Variants in ZNF205 observed in about 807,000 individuals in gnomAD.
The protein encoded by ZNF205 is transcriptional repressor RHIT.
A neutral mutation model predicts 53.6 loss-of-function variants in ZNF205; 32 were observed. The observed-to-expected ratio is 0.60, with a 90% CI of 0.45 to 0.80. The LOEUF (loss-of-function observed/expected upper bound fraction) is 0.80. Ranked by LOEUF, ZNF205 falls within the 30% of genes least tolerant of loss-of-function variation. ZNF205 has a pLI of 0.00. For missense variants in ZNF205, 836 were observed against 782.4 expected, an observed-to-expected ratio of 1.07 and a Z score of -0.82; for synonymous variants, 382 against 334.3, an observed-to-expected ratio of 1.14 and a Z score of -1.56.
At chr16:3,112,724 C>A in intron 1 of ZNF205, 42 bp downstream of exon 1, 1 of 269,888 alleles carries the variant, frequency 3.7e-6, no homozygotes. Flanking sequence ...ATCCCGAGAC[C>A]GGCGCAGATG....
At chr16:3,113,330 T>C in intron 1 of ZNF205, 87 bp from the exon 2 acceptor site, 1 of 1,364,294 alleles carries the variant, frequency 7.3e-7, no homozygotes, top group Non-Finnish European at 1.0e-6. Context: ...CGAGGGCTGG[T>C]TTCTGTCTGC....
In ZNF205 at chr16:3,120,429, G is replaced by A. The variant is rs540976209; in HGVS notation, c.*104G>A. 1.7e-5 allele frequency: 22 copies of A among 1,319,352 alleles called. No homozygotes were observed. Among genetic ancestry groups the A allele is most frequent in the Non-Finnish European group, 2.0e-5 (20 of 994,040 alleles). The allele number at this position is 1,319,352 out of a possible 1,614,324, so 81.7% of individuals were successfully genotyped here. On this transcript the variant is annotated 3_prime_UTR_variant, in exon 7 of 7. Transcript: ENST00000219091. ...AGGGGCTCGGGAAGGGAGCTGGGGCGGTGAGGGCATGGGGTGAGGCATGGC... is the reference window on the plus strand; with the variant it reads ...AGGGGCTCGGGAAGGGAGCTGGGGCAGTGAGGGCATGGGGTGAGGCATGGC...
chr16:3,118,853 A>G, intron 5 of ZNF205, 52 bp from the exon 6 acceptor site: 2 of 1,577,670 alleles, frequency 1.3e-6, no homozygotes, highest in South Asian at 2.3e-5. Context: ...TGCTGTCTGC[A>G]GCTGGGCAGC....
In ZNF205 at chr16:3,115,512, G is replaced by C; in HGVS notation, c.215G>C (p.Gly72Ala). 1 of 1,603,830 alleles carries C rather than the reference G, an allele frequency of 6.2e-7. No individual in the cohort carries two copies. The change falls in exon 3 of 7, where the codon GGC (glycine) becomes GCC (alanine). Residue 72 changes from glycine (G) to alanine (A), a missense_variant. Transcript: ENST00000219091. ...GAGGATGGGGCTCAAGGTGCCTGGG[G>C]CTGGGCACCCCTAAGTCACGGCTCT... ...SQEDGAQGAW[G>A]WAPLSHGSKE...
rs780697605 is a variant in ZNF205 at position 3,113,537 on chromosome 16, G to C, written c.57+50G>C. ...GGTGTGCGGTAGAAGAGGCTGGTGC[G>C]GAGGAGATTTTCAAGGCACAGAGTC... On this transcript the variant is annotated intron_variant, in intron 2 of 6. Transcript: ENST00000219091. The C allele has an allele frequency of 1.6e-5, 26 of 1,594,434 alleles. No individual in the cohort carries two copies. In the African/African-American group the frequency reaches 2.2e-4, roughly 13 times the overall value.
chr16:3,117,541 G>T (rs894398080), intron 5 of ZNF205, among the ~76,000 whole-genome samples: 11 of 133,500 alleles, frequency 8.2e-5, no homozygotes, highest in Non-Finnish European at 1.5e-4. Flanking sequence ...TCGACTTCCT[G>T]GGTTCAAGTG....
Position 3,115,837 on chromosome 16 carries a change from TC to T in ZNF205, c.286del (p.Arg96GlyfsTer29). The T allele has an allele frequency of 6.2e-7, 1 of 1,612,472 alleles. No homozygotes were observed. Among genetic ancestry groups the T allele is most frequent in the Non-Finnish European group, 8.5e-7 (1 of 1,179,318 alleles). The part of the protein sequence containing the change: ...ALFLPGGALP[S>X]PRIPVLSREG... ...CCTCTCTCCTCCCACAGCCCTCCCC[TC>T]CCCCCGGATCCCCGTGCTTTCCCGA... On this transcript the variant is annotated frameshift_variant, in exon 4 of 7. Coordinates refer to ENST00000219091, the MANE Select transcript of ZNF205 (RefSeq NM_001042428.2). LOFTEE classifies it high-confidence loss of function.
chr16:3,114,745 C>G (rs1320882545), intron 2 of ZNF205: 1 of 152,240 alleles, frequency 6.6e-6, no homozygotes, highest in East Asian at 1.9e-4. Context: ...TAGGTGTCAG[C>G]AGGGTCACAC....
chr16:3,120,123 GCTCGCACCTCAC>G lies in ZNF205; in HGVS notation c.1465_1476del (p.Ser489_Thr492del), dbSNP rs1158911178. 5.0e-6 allele frequency: 8 copies of G among 1,613,456 alleles called. No individual in the cohort carries two copies. Among genetic ancestry groups the G allele is most frequent in the Non-Finnish European group, 6.8e-6 (8 of 1,179,760 alleles). On this transcript the variant is annotated inframe_deletion, in exon 7 of 7. Coordinates refer to ENST00000219091, the MANE Select transcript of ZNF205 (RefSeq NM_001042428.2). ...GACTGCGGCAAGAGCTTCAGCCACA[GCTCGCACCTCAC>G]CGCGCACCAGCGCACCCACCGTGGC...
Position 3,116,484 on chromosome 16 carries a change from C to A in ZNF205, c.421C>A (p.Leu141Met). ...LYLSREEWGR[L>M]DHTQQNFYRD... is the part of the protein sequence containing the mutation. ...CCTCTCCCGGGAGGAGTGGGGACGGCTGGACCACACGCAGCAGAACTTCTA... is the reference window on the plus strand; with the variant it reads ...CCTCTCCCGGGAGGAGTGGGGACGGATGGACCACACGCAGCAGAACTTCTA... The change falls in exon 5 of 7, where the codon CTG (leucine) becomes ATG (methionine). Residue 141 changes from leucine to methionine, a missense_variant. Leu to Met is a conservative substitution (Grantham distance 15, BLOSUM62 2). Transcript: ENST00000219091. 1 of 1,614,122 alleles carries A rather than the reference C, an allele frequency of 6.2e-7. No individual in the cohort carries two copies. The highest frequency in any genetic ancestry group is 8.5e-7 in the Non-Finnish European group (1 of 1,180,038).
rs376764324 is a variant in ZNF205 at position 3,113,364 on chromosome 16, C to T, written c.-14-53C>T. On this transcript the variant is annotated intron_variant, in intron 1 of 6. Transcript: ENST00000219091. ...GCTCTTCTAGGCTCCTGGCCAGAAG[C>T]TGGAGGGGGCTTGGCCAAAAAGAGG... The T allele has an allele frequency of 1.9e-3, 2,994 of 1,586,336 alleles. 7 individuals carry two copies. Among genetic ancestry groups the T allele is most frequent in the Non-Finnish European group, 2.2e-3 (2,607 of 1,158,844 alleles).
Position 3,118,847 on chromosome 16 carries a change from G to T in ZNF205, c.485-58G>T, listed in dbSNP as rs139348438. 5.1e-6 allele frequency: 8 copies of T among 1,564,590 alleles called. No homozygotes were observed. In the African/African-American group the frequency reaches 9.5e-5, roughly 19 times the overall value. On this transcript the variant is annotated intron_variant, in intron 5 of 6. Coordinates refer to ENST00000219091, the MANE Select transcript of ZNF205 (RefSeq NM_001042428.2). ...GGCCCATCAGTTTTGGGGAGATGCT[G>T]TCTGCAGCTGGGCAGCGCCAGAAGG...
chr16:3,116,877 C>G (rs1245932945), intron 5 of ZNF205, among the ~76,000 whole-genome samples: 1 of 152,174 alleles, frequency 6.6e-6, no homozygotes, highest in Non-Finnish European at 1.5e-5. Context: ...TCACTGCAAG[C>G]TCCGCCTCCC....
intron 5 of ZNF205, 143 bp downstream of exon 5, chr16:3,116,690 T>C: frequency 7.9e-7 from 1 of 1,273,792 alleles, no homozygotes; most frequent in Non-Finnish European, 1.1e-6. Flanking sequence ...ACTTCTGTAA[T>C]GATGGAAATG....
At position 3,120,405 on chromosome 16, in the gene ZNF205, G is replaced by C. The variant is rs916201729; in HGVS notation, c.*80G>C. 1.4e-6 allele frequency: 2 copies of C among 1,416,676 alleles called. No homozygotes were observed. The highest frequency in any genetic ancestry group is 1.4e-5 in the African/African-American group (1 of 69,196). The allele number at this position is 1,416,676 out of a possible 1,614,324, so 87.8% of individuals were successfully genotyped here. On this transcript the variant is annotated 3_prime_UTR_variant, in exon 7 of 7. Coordinates refer to ENST00000219091, the MANE Select transcript of ZNF205 (RefSeq NM_001042428.2). Reference sequence around the variant, plus strand: ...AGTCAAGGCTCCGAGGGAGGAGAGAGGGGCTCGGGAAGGGAGCTGGGGCGG... The same window carrying C: ...AGTCAAGGCTCCGAGGGAGGAGAGACGGGCTCGGGAAGGGAGCTGGGGCGG...
rs1031455566 is a variant in ZNF205 at position 3,115,740 on chromosome 16, C to T, written c.272-89C>T. The T allele has an allele frequency of 1.5e-5, 21 of 1,433,114 alleles. No individual in the cohort carries two copies. In the East Asian group the frequency reaches 2.6e-4, roughly 18 times the overall value. 88.8% of individuals were successfully genotyped at this position (1,433,114 alleles called of 1,614,324 possible). A position where few individuals can be genotyped will look rare whatever the true frequency, so the allele number is the denominator to read the frequency against. ...GAGCCATCCGACCCTGTCCTTGGGT[C>T]GGGCCAGGGGTGGAGTTTGAGGCAG... On this transcript the variant is annotated intron_variant, in intron 3 of 6. Coordinates refer to ENST00000219091, the MANE Select transcript of ZNF205 (RefSeq NM_001042428.2).
At position 3,115,427 on chromosome 16, in the gene ZNF205, C is replaced by G; in HGVS notation, c.130C>G (p.Gln44Glu). The G allele has an allele frequency of 6.2e-7, 1 of 1,612,510 alleles. No homozygotes were observed. The highest frequency in any genetic ancestry group is 1.1e-5 in the South Asian group (1 of 90,826). The change falls in exon 3 of 7, where the codon CAG (glutamine) becomes GAG (glutamate). Residue 44 changes from glutamine to glutamate, a missense_variant. Coordinates refer to ENST00000219091, the MANE Select transcript of ZNF205 (RefSeq NM_001042428.2). ...GGAGGCGGTACCTTCAGGGGACACT[C>G]AGGAGTCACTGCACATTAAGATGGA... The part of the protein sequence containing the change: ...LGEAVPSGDT[Q>E]ESLHIKMEPE...
chr16:3,120,270 T>C lies in ZNF205; in HGVS notation c.1610T>C (p.Met537Thr), dbSNP rs1441989841. Residue 537 changes from methionine to threonine, a missense_variant, in exon 7 of 7, where the codon ATG (methionine) becomes ACG (threonine). By Grantham distance (81) the Met-to-Thr change is moderately conservative (BLOSUM62 -1). Transcript: ENST00000219091. Reference protein sequence around the residue: ...TTGPKALAMLMLGAAAAGALA... With the variant: ...TTGPKALAMLTLGAAAAGALA... ...GGGCCCAAGGCCCTGGCCATGCTGATGCTGGGGGCGGCGGCGGCGGGGGCT... is the reference window on the plus strand; with the variant it reads ...GGGCCCAAGGCCCTGGCCATGCTGACGCTGGGGGCGGCGGCGGCGGGGGCT... 1 of 1,601,656 alleles carries C rather than the reference T, an allele frequency of 6.2e-7. No homozygotes were observed. Among genetic ancestry groups the C allele is most frequent in the Admixed American group, 1.7e-5 (1 of 59,822 alleles).
intron 2 of ZNF205, 86 bp downstream of exon 2, chr16:3,113,573 G>T: frequency 6.8e-7 from 1 of 1,473,016 alleles, no homozygotes; most frequent in Non-Finnish European, 9.3e-7. Flanking sequence ...TGGACCCCTG[G>T]AAGAGTTAGA....
Sources: gnomAD v4.1 joint callset for allele counts (sites outside exome capture counted in the v4.1 genomes callset) on GRCh38, gnomAD v4.1.1 for gene constraint, MANE v1.5 for transcripts, NCBI Gene and HGNC (gene_info 2026-07-23, HGNC 2026-07-21) for gene names.